Variants in EBF1 observed in about 807,000 individuals in gnomAD.
EBF1 encodes the protein EBF transcription factor 1, also known as transcription factor COE1.
Under a neutral mutation model 68.4 loss-of-function variants are expected in EBF1, and 10 were observed. The ratio of observed to expected loss-of-function variants is 0.15; its 90% CI spans 0.09 to 0.25. The LOEUF is 0.25. EBF1 is among the 10% of genes least tolerant of loss of function. The pLI is 1.00. For synonymous variants in EBF1, 298 were observed against 299.8 expected (o/e 0.99, Z 0.06); for missense variants, 509 against 794.4 (o/e 0.64, Z 4.32).
At chr5:158,899,791 G>A (rs558270570) in intron 6 of EBF1, among the ~76,000 whole-genome samples, 1 of 152,304 alleles carries the variant, frequency 6.6e-6, no homozygotes, top group East Asian at 1.9e-4. Flanking sequence ...AGTTCTGGGT[G>A]GTCAGAGCCA....
intron 6 of EBF1, among the ~76,000 whole-genome samples, chr5:158,969,904 GAAA>G (rs1755177579): frequency 9.5e-6 from 1 of 105,632 alleles, no homozygotes; most frequent in Admixed American, 1.1e-4. Context: ...AAGAAAGAAA[GAAA>G]GAAAGAAAGA....
chr5:158,884,508 A>C (rs1799619184), intron 6 of EBF1, among the ~76,000 whole-genome samples: 1 of 152,198 alleles, frequency 6.6e-6, no homozygotes, highest in Non-Finnish European at 1.5e-5. Context: ...TGAAGACATA[A>C]AAATGAAAAA....
At chr5:158,758,182 T>C (rs1430697175) in intron 10 of EBF1, among the ~76,000 whole-genome samples, 3 of 152,242 alleles carry the variant, frequency 2.0e-5, no homozygotes. Flanking sequence ...AATCTCTCTA[T>C]GGCCAGAGGG....
At chr5:158,906,304 G>GAAAA (rs1238469759) in intron 6 of EBF1, among the ~76,000 whole-genome samples, 1 of 90,462 alleles carries the variant, frequency 1.1e-5, no homozygotes, top group African/African-American at 4.2e-5. Flanking sequence ...TGGCAATGCA[G>GAAAA]AAAAAAAAAA....
At chr5:159,049,938 G>A (rs925618276) in intron 6 of EBF1, among the ~76,000 whole-genome samples, 4 of 152,144 alleles carry the variant, frequency 2.6e-5, no homozygotes, top group African/African-American at 9.7e-5. Flanking sequence ...AATTTGGTGG[G>A]TCCTAACGCT....
intron 6 of EBF1, among the ~76,000 whole-genome samples, chr5:158,863,482 G>A (rs535967884): frequency 4.5e-4 from 68 of 152,282 alleles, no homozygotes; most frequent in African/African-American, 1.3e-3. Context: ...CTGAGATAGA[G>A]CTTATAAATA....
At chr5:159,039,811 A>G (rs1770812717) in intron 6 of EBF1, among the ~76,000 whole-genome samples, 1 of 152,236 alleles carries the variant, frequency 6.6e-6, no homozygotes. Flanking sequence ...AAAACAAGTA[A>G]GGAATAAAAT....
chr5:159,027,135 C>T (rs1237836670), intron 6 of EBF1, among the ~76,000 whole-genome samples: 1 of 152,130 alleles, frequency 6.6e-6, no homozygotes, highest in African/African-American at 2.4e-5. Flanking sequence ...GGGGCAGTGC[C>T]ACTATGTAGC....
chr5:158,947,366 T>C (rs1416917244), intron 6 of EBF1, among the ~76,000 whole-genome samples: 3 of 152,312 alleles, frequency 2.0e-5, no homozygotes, highest in African/African-American at 7.2e-5. Flanking sequence ...GTGAAGAGCA[T>C]GGGCAAAGCA....
chr5:158,852,177 A>G (rs1793074481), intron 6 of EBF1, among the ~76,000 whole-genome samples: 1 of 151,924 alleles, frequency 6.6e-6, no homozygotes, highest in Non-Finnish European at 1.5e-5. Flanking sequence ...ACCAAAAAAA[A>G]AAGTACATAT....
intron 6 of EBF1, among the ~76,000 whole-genome samples, chr5:158,904,659 A>T (rs999015612): frequency 3.3e-5 from 5 of 152,150 alleles, no homozygotes; most frequent in Non-Finnish European, 7.3e-5. Flanking sequence ...GGTAATATCC[A>T]TTTATGGGCC....
At chr5:159,079,204 T>C (rs2127964680) in intron 5 of EBF1, among the ~76,000 whole-genome samples, 1 of 152,300 alleles carries the variant, frequency 6.6e-6, no homozygotes, top group South Asian at 2.1e-4. Context: ...CTAACTCAAG[T>C]ACCTGAGCTC....
intron 6 of EBF1, among the ~76,000 whole-genome samples, chr5:158,963,910 C>T (rs1161670129): frequency 6.6e-6 from 1 of 152,154 alleles, no homozygotes; most frequent in Non-Finnish European, 1.5e-5. Context: ...ACAATAATAT[C>T]CTGCACCCTG....
At chr5:158,819,777 A>C (rs4704780) in intron 8 of EBF1, among the ~76,000 whole-genome samples, 8,806 of 152,246 alleles carry the variant, frequency 0.058, 352 homozygotes, top group Non-Finnish European at 0.078. Flanking sequence ...TAAAGAAGAA[A>C]CCTCACTAGG....
In EBF1 at chr5:158,766,352, A is replaced by AT. The variant is rs532997150; in HGVS notation, c.1036+11060dup. Among the ~76,000 whole-genome samples, 195 of 152,270 alleles carry AT rather than the reference A, an allele frequency of 1.3e-3. 1 individual carries two copies. Among genetic ancestry groups the AT allele is most frequent in the African/African-American group, 4.3e-3 (179 of 41,590 alleles). The stretch of plus-strand genomic sequence containing the variant: ...TGGGAGAAAAATGGCTCTGGCTTTG[A>AT]TTTTTTTAAAACAACTGATGGAAAA... On this transcript the variant is annotated intron_variant, in intron 10 of 15. Transcript: ENST00000313708.
chr5:159,065,945 G>GC (rs903045226), intron 6 of EBF1, among the ~76,000 whole-genome samples: 16 of 151,960 alleles, frequency 1.1e-4, no homozygotes, highest in African/African-American at 3.1e-4. Flanking sequence ...TTCATGAGGA[G>GC]CCCCCCATGC....
chr5:158,987,493 C>T (rs933937337), intron 6 of EBF1, among the ~76,000 whole-genome samples: 3 of 152,096 alleles, frequency 2.0e-5, no homozygotes, highest in Non-Finnish European at 4.4e-5. Flanking sequence ...CCCAACAATA[C>T]AAGGAGGTAG....
At chr5:158,748,180 T>A (rs1768016124) in intron 10 of EBF1, among the ~76,000 whole-genome samples, 1 of 152,200 alleles carries the variant, frequency 6.6e-6, no homozygotes. Flanking sequence ...AAAGGGAAAG[T>A]TGCCAGAATG....
At chr5:159,026,348 C>A (rs1422671) in intron 6 of EBF1, among the ~76,000 whole-genome samples, 131,205 of 152,048 alleles carry the variant, frequency 0.86, 57,108 homozygotes, top group African/African-American at 0.97. Flanking sequence ...ATAGCCTCAA[C>A]TCAGGAAATT....
Sources: allele counts gnomAD v4.1 joint callset (sites outside exome capture counted in the v4.1 genomes callset), GRCh38; gene constraint gnomAD v4.1.1; transcripts MANE v1.5; gene names NCBI Gene and HGNC (gene_info 2026-07-23, HGNC 2026-07-21).